ZYG11B: variants seen among roughly 807,000 people sequenced by gnomAD.
The protein encoded by ZYG11B is protein zyg-11 homolog B.
ZYG11B carries 36 observed loss-of-function variants against 82.4 expected under a neutral mutation model. That is an observed-to-expected ratio of 0.44 (90% CI 0.33 to 0.58). ZYG11B has a LOEUF of 0.58. ZYG11B is among the 20% of genes least tolerant of loss of function. The pLI is 0.02. For synonymous variants in ZYG11B, 303 were observed against 312.8 expected, an observed-to-expected ratio of 0.97 and a Z score of 0.33; for missense variants, 552 against 895.6, an observed-to-expected ratio of 0.62 and a Z score of 4.90.
chr1:52,776,629 G>A (rs12074258), intron 3 of ZYG11B, among the ~76,000 whole-genome samples: 15,997 of 151,760 alleles, frequency 0.11, 1,882 homozygotes, highest in East Asian at 0.35. Context: ...GATATATTTC[G>A]TATAAGAGAT....
intron 1 of ZYG11B, among the ~76,000 whole-genome samples, chr1:52,735,969 A>G (rs1644375559): frequency 6.6e-6 from 1 of 152,184 alleles, no homozygotes; most frequent in Non-Finnish European, 1.5e-5. Flanking sequence ...TAATATTTTA[A>G]AATGATACTC....
chr1:52,756,328 A>G (rs1253733849), intron 1 of ZYG11B, 130 bp from the exon 2 acceptor site: 6 of 784,004 alleles, frequency 7.7e-6, no homozygotes, highest in African/African-American at 5.2e-5. Flanking sequence ...TGCCTTACAC[A>G]GTGTCTAGCA....
intron 3 of ZYG11B, 97 bp from the exon 4 acceptor site, chr1:52,779,756 C>T (rs953992743): frequency 5.4e-6 from 8 of 1,477,784 alleles, no homozygotes; most frequent in South Asian, 1.3e-5. Context: ...TCCCAAAGTA[C>T]TGGGATTACA....
chr1:52,800,274 TC>T (rs1645065076), intron 8 of ZYG11B, among the ~76,000 whole-genome samples: 1 of 100,746 alleles, frequency 9.9e-6, no homozygotes, highest in South Asian at 3.7e-4. Flanking sequence ...AGATTCCATG[TC>T]AAAAAAAAAA....
chr1:52,821,599 T>TA lies in ZYG11B; in HGVS notation c.2211dup (p.Gln738ThrfsTer15). 6.2e-7 allele frequency: 1 copy of TA among 1,613,604 alleles called. No individual in the cohort carries two copies. The highest frequency in any genetic ancestry group is 8.5e-7 in the Non-Finnish European group (1 of 1,179,854). ...TGCGCCATGGGAGGCCACCTCCCTGTAAAAAACAGCCCCAAGCCAGACTAA... is the reference window on the plus strand; with the variant it reads ...TGCGCCATGGGAGGCCACCTCCCTGTAAAAAAACAGCCCCAAGCCAGACTAA... On this transcript the variant is annotated frameshift_variant, in exon 14 of 14. Coordinates refer to ENST00000294353, the MANE Select transcript of ZYG11B (RefSeq NM_024646.3). LOFTEE classifies it high-confidence loss of function.
chr1:52,763,488 T>C (rs955872433), intron 2 of ZYG11B, among the ~76,000 whole-genome samples: 10 of 152,100 alleles, frequency 6.6e-5, no homozygotes, highest in African/African-American at 2.4e-4. Context: ...CTTGGCTACT[T>C]TGAAATTTTT....
intron 6 of ZYG11B, among the ~76,000 whole-genome samples, chr1:52,792,606 C>A (rs1054200625): frequency 4.6e-5 from 7 of 152,184 alleles, no homozygotes; most frequent in African/African-American, 1.7e-4. Flanking sequence ...TTCAGTCTGA[C>A]TCCAGGGCCT....
At position 52,826,360 on chromosome 1, in the gene ZYG11B, A is replaced by G. The variant is rs1470069081; in HGVS notation, c.*4731A>G. On this transcript the variant is annotated 3_prime_UTR_variant, in exon 14 of 14. Transcript: ENST00000294353. ...TCCTTATCATTTGCTGTGTTTTGAC[A>G]GTTTTTAATTTGCAGTATTCACTCA... 6.6e-6 allele frequency: 1 copy of G among 152,212 alleles called. No homozygotes were observed. 9.4% of individuals were successfully genotyped at this position (152,212 alleles called of 1,614,324 possible). A position where few individuals can be genotyped will look rare whatever the true frequency, so the allele number is the denominator to read the frequency against.
intron 1 of ZYG11B, among the ~76,000 whole-genome samples, chr1:52,755,349 A>G (rs1468386303): frequency 6.6e-6 from 1 of 152,090 alleles, no homozygotes; most frequent in East Asian, 1.9e-4. Flanking sequence ...TCTGAATTCT[A>G]GTTCATTGAT....
intron 12 of ZYG11B, among the ~76,000 whole-genome samples, chr1:52,816,036 G>C (rs11206026): frequency 4.6e-5 from 7 of 152,056 alleles, no homozygotes; most frequent in African/African-American, 1.7e-4. Context: ...CTAATTACCT[G>C]AAGTATTTAA....
At chr1:52,778,189 G>C (rs1283678073) in intron 3 of ZYG11B, among the ~76,000 whole-genome samples, 1 of 152,124 alleles carries the variant, frequency 6.6e-6, no homozygotes, top group African/African-American at 2.4e-5. Flanking sequence ...GTATCTTTTA[G>C]TTTATAGGTT....
chr1:52,798,163 G>C (rs1022155167), intron 8 of ZYG11B, among the ~76,000 whole-genome samples: 1 of 151,866 alleles, frequency 6.6e-6, no homozygotes, highest in African/African-American at 2.4e-5. Flanking sequence ...TATTTGTAAA[G>C]AAGTGAATTT....
chr1:52,751,750 C>G (rs1644526365), intron 1 of ZYG11B, among the ~76,000 whole-genome samples: 1 of 152,130 alleles, frequency 6.6e-6, no homozygotes, highest in Admixed American at 6.6e-5. Context: ...AATGAGTTGA[C>G]TGGTGTCCAG....
At chr1:52,737,291 C>T (rs150960408) in intron 1 of ZYG11B, among the ~76,000 whole-genome samples, 10 of 152,188 alleles carry the variant, frequency 6.6e-5, no homozygotes, top group Non-Finnish European at 1.2e-4. Flanking sequence ...TATGCCTCTC[C>T]TGTACAGTGT....
chr1:52,794,099 C>T (rs1260754294), intron 6 of ZYG11B, among the ~76,000 whole-genome samples: 1 of 151,864 alleles, frequency 6.6e-6, no homozygotes, highest in East Asian at 1.9e-4. Flanking sequence ...CTCAGCCTCC[C>T]GAGTAGCTGA....
chr1:52,773,793 C>T (rs1644779026), intron 3 of ZYG11B, among the ~76,000 whole-genome samples: 1 of 150,642 alleles, frequency 6.6e-6, no homozygotes, highest in South Asian at 2.1e-4. Context: ...TAGGCACACA[C>T]CACCATGCCC....
chr1:52,733,471 C>T (rs1644351247), intron 1 of ZYG11B, among the ~76,000 whole-genome samples: 2 of 151,848 alleles, frequency 1.3e-5, no homozygotes, highest in Admixed American at 1.3e-4. Flanking sequence ...CCCAGGAGTT[C>T]GAGACCAGCC....
At chr1:52,773,489 AGAAAATGATATAGGATCTGCCTCCAAGG>A (rs1644772858) in intron 3 of ZYG11B, among the ~76,000 whole-genome samples, 2 of 147,412 alleles carry the variant, frequency 1.4e-5, no homozygotes, top group Admixed American at 1.4e-4. Flanking sequence ...AAAAAAAAAA[AGAAAATGATATAGGATCTGCCTCCAAGG>A]AGCTTAACCT....
Position 52,771,798 on chromosome 1 carries a change from T to G in ZYG11B, c.951+24T>G, listed in dbSNP as rs371600543. On this transcript the variant is annotated intron_variant, in intron 3 of 13. Coordinates refer to ENST00000294353, the MANE Select transcript of ZYG11B (RefSeq NM_024646.3). This position sits in a 1 kb window ranked among gnomAD's most constrained non-coding sequence, Gnocchi z 5.4. ...AGGTTAGACTTTAAAAATGTATTAT[T>G]TTGTCAGGCTGACCAATATCTTAGT... 247 of 1,583,204 alleles carry G rather than the reference T, an allele frequency of 1.6e-4. 2 individuals carry two copies. In the African/African-American group the frequency reaches 3.1e-3, roughly 20 times the overall value.
Sources: gnomAD v4.1 joint callset for allele counts (sites outside exome capture counted in the v4.1 genomes callset) on GRCh38, gnomAD v4.1.1 for gene constraint, Gnocchi (gnomAD v3.1) non-coding constraint, MANE v1.5 for transcripts, NCBI Gene and HGNC (gene_info 2026-07-23, HGNC 2026-07-21) for gene names.